ELP4: variants seen among roughly 807,000 people sequenced by gnomAD.
The protein encoded by ELP4 is elongator acetyltransferase complex subunit 4.
Under a neutral mutation model 48.9 loss-of-function variants are expected in ELP4, and 51 were observed. The observed-to-expected ratio is 1.04, with a 90% CI of 0.83 to 1.32. The LOEUF (loss-of-function observed/expected upper bound fraction) is 1.32. ELP4 is among the 40% of genes most tolerant of loss of function. The pLI is 0.00. For missense variants in ELP4, 519 were observed against 514.6 expected, an observed-to-expected ratio of 1.01 and a Z score of -0.08; for synonymous variants, 210 against 189.2, an observed-to-expected ratio of 1.11 and a Z score of -0.90.
chr11:31,647,442 A>T (rs1203519561), intron 7 of ELP4: 1 of 246,354 alleles, frequency 4.1e-6, no homozygotes, highest in Non-Finnish European at 7.9e-6. Context: ...CCTTAATACA[A>T]GTGAAAAATA....
chr11:31,741,032 C>T (rs1283583215), intron 9 of ELP4, among the ~76,000 whole-genome samples: 1 of 152,174 alleles, frequency 6.6e-6, no homozygotes, highest in Non-Finnish European at 1.5e-5. Flanking sequence ...AATCGGGTCA[C>T]TCCCACCCTA....
chr11:31,683,813 T>C (rs1230775355), intron 9 of ELP4, among the ~76,000 whole-genome samples: 2 of 151,614 alleles, frequency 1.3e-5, no homozygotes, highest in East Asian at 3.8e-4. Context: ...AATGTCAAAA[T>C]TGATAAGAGG....
intron 3 of ELP4, among the ~76,000 whole-genome samples, chr11:31,574,270 G>C (rs1048517244): frequency 1.3e-5 from 2 of 152,160 alleles, no homozygotes; most frequent in Non-Finnish European, 2.9e-5. Context: ...GCTTGAGTAG[G>C]TAAACAAAGC....
chr11:31,544,257 G>A (rs1956649965), intron 3 of ELP4, among the ~76,000 whole-genome samples: 1 of 152,222 alleles, frequency 6.6e-6, no homozygotes, highest in African/African-American at 2.4e-5. Flanking sequence ...CAAAGAAAGG[G>A]GTGACAGACG....
intron 2 of ELP4, among the ~76,000 whole-genome samples, chr11:31,525,768 T>C (rs1565035562): frequency 6.6e-6 from 1 of 152,114 alleles, no homozygotes; most frequent in Non-Finnish European, 1.5e-5. Flanking sequence ...TGTAATCCAC[T>C]CCTAGGATTT....
chr11:31,772,346 T>C (rs1948163744), intron 9 of ELP4, among the ~76,000 whole-genome samples: 1 of 152,160 alleles, frequency 6.6e-6, no homozygotes, highest in Non-Finnish European at 1.5e-5. Flanking sequence ...CAGTCTGGTC[T>C]CAAACTGCTG....
intron 9 of ELP4, among the ~76,000 whole-genome samples, chr11:31,724,221 G>A (rs1320463361): frequency 1.3e-5 from 2 of 152,110 alleles, no homozygotes; most frequent in African/African-American, 4.8e-5. Context: ...CTAGAAGACT[G>A]GACTGGGAAG....
At chr11:31,674,627 C>T (rs1328613146) in intron 9 of ELP4, among the ~76,000 whole-genome samples, 1 of 152,170 alleles carries the variant, frequency 6.6e-6, no homozygotes, top group African/African-American at 2.4e-5. Context: ...TTTAGTTTGA[C>T]CCGCCAACCA....
At chr11:31,632,462 T>C in intron 7 of ELP4, 57 bp downstream of exon 7, 1 of 1,400,000 alleles carries the variant, frequency 7.1e-7, no homozygotes, top group Non-Finnish European at 9.6e-7. Flanking sequence ...TATGACATTG[T>C]GGTTTTAGTT....
intron 6 of ELP4, among the ~76,000 whole-genome samples, chr11:31,630,869 C>T (rs1359337802): frequency 6.6e-6 from 1 of 151,898 alleles, no homozygotes. Flanking sequence ...CACTTGAGCC[C>T]AGGAGTTCGA....
At chr11:31,669,689 A>G (rs1006350495) in intron 9 of ELP4, among the ~76,000 whole-genome samples, 1 of 152,148 alleles carries the variant, frequency 6.6e-6, no homozygotes, top group African/African-American at 2.4e-5. Flanking sequence ...AGCACACAAT[A>G]GATACGTATT....
At chr11:31,593,640 A>G (rs1342536197) in intron 3 of ELP4, among the ~76,000 whole-genome samples, 3 of 152,212 alleles carry the variant, frequency 2.0e-5, no homozygotes, top group African/African-American at 4.8e-5. Flanking sequence ...TGCAAAGTCA[A>G]GATTTGAACT....
chr11:31,779,690 CCTCA>C (rs1322612404), intron 9 of ELP4: 1 of 152,220 alleles, frequency 6.6e-6, no homozygotes, highest in Non-Finnish European at 1.5e-5. Context: ...GTTTTGCTAG[CCTCA>C]CTGTTTCCCT....
intron 5 of ELP4, among the ~76,000 whole-genome samples, chr11:31,623,041 AGTT>A (rs3073913): frequency 0.36 from 54,556 of 150,518 alleles, 11,848 homozygotes; most frequent in East Asian, 0.63. Flanking sequence ...ATAATATAAA[AGTT>A]GTTGAAAATA....
chr11:31,520,373 A>AT (rs1246382428), intron 2 of ELP4, among the ~76,000 whole-genome samples: 2 of 152,114 alleles, frequency 1.3e-5, no homozygotes, highest in South Asian at 2.1e-4. Context: ...ATGTGAATTG[A>AT]TTTTTTTGGA....
chr11:31,756,713 T>A (rs1409866832), intron 9 of ELP4, among the ~76,000 whole-genome samples: 1 of 152,076 alleles, frequency 6.6e-6, no homozygotes, highest in Non-Finnish European at 1.5e-5. Context: ...GACAGGGAGG[T>A]TTTAAAGTTA....
chr11:31,638,189 A>G (rs1565091026), intron 7 of ELP4, among the ~76,000 whole-genome samples: 1 of 151,908 alleles, frequency 6.6e-6, no homozygotes, highest in Non-Finnish European at 1.5e-5. Flanking sequence ...TATAAACAAC[A>G]ATAATGCAAG....
chr11:31,657,032 C>T (rs1168206306), intron 9 of ELP4, among the ~76,000 whole-genome samples: 5 of 151,998 alleles, frequency 3.3e-5, no homozygotes, highest in Non-Finnish European at 7.4e-5. Flanking sequence ...TTCATTTCCT[C>T]ACTTAAATGT....
chr11:31,666,218 A>G (rs1421736806), intron 9 of ELP4, among the ~76,000 whole-genome samples: 3 of 151,882 alleles, frequency 2.0e-5, no homozygotes, highest in South Asian at 2.1e-4. Context: ...CATGTTATAC[A>G]GGCTGGCCTT....
Sources: gnomAD v4.1 joint callset for allele counts (sites outside exome capture counted in the v4.1 genomes callset) on GRCh38, gnomAD v4.1.1 for gene constraint, MANE v1.5 for transcripts, NCBI Gene and HGNC (gene_info 2026-07-23, HGNC 2026-07-21) for gene names.